GRIA1: variants seen among roughly 807,000 people sequenced by gnomAD.
GRIA1 encodes glutamate receptor 1.
GRIA1 carries 31 observed loss-of-function variants against 99.2 expected under a neutral mutation model. The observed-to-expected ratio is 0.31, with a 90% CI of 0.23 to 0.42. The LOEUF is 0.42. GRIA1 is among the 10% of genes least tolerant of loss of function. The probability of loss-of-function intolerance (pLI) is 1.00; values close to 1 mark genes in which losing one functional copy is unlikely to be tolerated. For missense variants in GRIA1, 782 were observed against 1,157.5 expected (o/e 0.68, Z 4.71); for synonymous variants, 438 against 432.4 (o/e 1.01, Z -0.16).
intron 10 of GRIA1, among the ~76,000 whole-genome samples, chr5:153,705,336 A>T (rs1278408537): frequency 6.6e-6 from 1 of 152,172 alleles, no homozygotes. Flanking sequence ...GACCCATTCC[A>T]ACCTGCAGGA....
intron 11 of GRIA1, among the ~76,000 whole-genome samples, chr5:153,738,323 G>T (rs929681516): frequency 6.6e-6 from 1 of 152,080 alleles, no homozygotes; most frequent in African/African-American, 2.4e-5. Context: ...AGAAACCTGG[G>T]AGACAAGAGT....
At chr5:153,783,477 A>C (rs1005546607) in intron 13 of GRIA1, among the ~76,000 whole-genome samples, 7 of 152,206 alleles carry the variant, frequency 4.6e-5, no homozygotes, top group African/African-American at 1.7e-4. Context: ...TGGGCTAGGC[A>C]TCACACTTGC....
chr5:153,736,540 C>T (rs1344554015), intron 11 of GRIA1, among the ~76,000 whole-genome samples: 6 of 152,194 alleles, frequency 3.9e-5, no homozygotes, highest in Admixed American at 6.5e-5. Flanking sequence ...GAGACAGGCT[C>T]AGCCTCTAGC....
intron 11 of GRIA1, among the ~76,000 whole-genome samples, chr5:153,748,368 A>T (rs1435830579): frequency 6.6e-6 from 1 of 152,156 alleles, no homozygotes; most frequent in Admixed American, 6.6e-5. Flanking sequence ...GGTGGGAAAG[A>T]CTTCGGTGTT....
chr5:153,523,708 G>A (rs761174947), intron 2 of GRIA1, among the ~76,000 whole-genome samples: 22 of 152,110 alleles, frequency 1.4e-4, no homozygotes, highest in Non-Finnish European at 2.9e-4. Flanking sequence ...AGAATGCTGC[G>A]AGGATAGAAT....
At chr5:153,588,684 G>T (rs1581275585) in intron 2 of GRIA1, among the ~76,000 whole-genome samples, 1 of 152,076 alleles carries the variant, frequency 6.6e-6, no homozygotes, top group East Asian at 1.9e-4. Context: ...ATTAAATAAA[G>T]CCTTGAGCAT....
chr5:153,651,777 C>G (rs1007564982), intron 4 of GRIA1, among the ~76,000 whole-genome samples: 6 of 152,154 alleles, frequency 3.9e-5, no homozygotes, highest in Non-Finnish European at 8.8e-5. Flanking sequence ...CCCAGCAAAA[C>G]TTGTTCCTTT....
chr5:153,535,351 T>A (rs779640166), intron 2 of GRIA1, among the ~76,000 whole-genome samples: 17 of 152,194 alleles, frequency 1.1e-4, no homozygotes, highest in Non-Finnish European at 2.5e-4. Flanking sequence ...CCATTGTTTA[T>A]CCAGTTGTTT....
chr5:153,698,638 C>A (rs1316737806), intron 9 of GRIA1, among the ~76,000 whole-genome samples: 1 of 152,104 alleles, frequency 6.6e-6, no homozygotes, highest in Admixed American at 6.5e-5. Context: ...ATTTGAAAAG[C>A]TGTATGCCAT....
chr5:153,540,403 T>C (rs1190771974), intron 2 of GRIA1, among the ~76,000 whole-genome samples: 2 of 152,188 alleles, frequency 1.3e-5, no homozygotes, highest in African/African-American at 4.8e-5. Flanking sequence ...TGTGTCTTTT[T>C]CAAACTGCCT....
intron 2 of GRIA1, among the ~76,000 whole-genome samples, chr5:153,644,047 C>G (rs1753961351): frequency 6.6e-6 from 1 of 152,084 alleles, no homozygotes; most frequent in South Asian, 2.1e-4. Flanking sequence ...TTTATTGCAG[C>G]AAGGGGAGAG....
At chr5:153,807,789 G>T (rs1216182917) in intron 15 of GRIA1, among the ~76,000 whole-genome samples, 3 of 152,182 alleles carry the variant, frequency 2.0e-5, no homozygotes, top group East Asian at 1.9e-4. Flanking sequence ...AAACAGACTG[G>T]CTCCTGAATC....
chr5:153,698,718 A>G, intron 9 of GRIA1, 149 bp from the exon 10 acceptor site: 1 of 621,348 alleles, frequency 1.6e-6, no homozygotes, highest in Non-Finnish European at 2.9e-6. Flanking sequence ...GTAATGGGGT[A>G]GGGAGTGAAG....
At position 153,764,475 on chromosome 5, in the gene GRIA1, T is replaced by G. The variant is rs1763382857; in HGVS notation, c.1865T>G (p.Phe622Cys). The change falls in exon 12 of 16, where the codon TTC becomes TGC. Residue 622 changes from phenylalanine (F) to cysteine (C), a missense_variant. Phe to Cys is a radical substitution (Grantham distance 205). Around this residue, in one of 5 missense-constraint regions of GRIA1, gnomAD observed 119 missense variants for 326.6 expected, o/e 0.36. Coordinates refer to ENST00000285900, the MANE Select transcript of GRIA1 (RefSeq NM_000827.4). ...ATCGTTGGTGGCGTCTGGTGGTTCT[T>G]CACCTTAATCATCATCTCCTCATAT... ...GRIVGGVWWF[F>C]TLIIISSYTA... 6.2e-7 allele frequency: 1 copy of G among 1,613,938 alleles called. No individual in the cohort carries two copies. The highest frequency in any genetic ancestry group is 1.3e-5 in the African/African-American group (1 of 74,918).
At chr5:153,684,371 C>T (rs1757200316) in intron 7 of GRIA1, among the ~76,000 whole-genome samples, 1 of 152,136 alleles carries the variant, frequency 6.6e-6, no homozygotes, top group Non-Finnish European at 1.5e-5. Flanking sequence ...TCTTTTAATC[C>T]TTAGAACAAC....
chr5:153,597,820 C>T (rs923112475), intron 2 of GRIA1, among the ~76,000 whole-genome samples: 1 of 147,280 alleles, frequency 6.8e-6, no homozygotes, highest in Middle Eastern at 3.2e-3. Flanking sequence ...CAAGGCTGGG[C>T]AACATGGCAA....
At chr5:153,676,058 C>T (rs569581220) in intron 6 of GRIA1, among the ~76,000 whole-genome samples, 2 of 152,146 alleles carry the variant, frequency 1.3e-5, no homozygotes, top group African/African-American at 4.8e-5. Flanking sequence ...GGGGTTTCAC[C>T]GTGTTAGCCA....
At chr5:153,505,645 G>A (rs1330395949) in intron 2 of GRIA1, among the ~76,000 whole-genome samples, 1 of 152,216 alleles carries the variant, frequency 6.6e-6, no homozygotes, top group African/African-American at 2.4e-5. Context: ...GGTTTGTTTT[G>A]CAGCAATAGC....
intron 2 of GRIA1, among the ~76,000 whole-genome samples, chr5:153,547,286 CT>C (rs1321708260): frequency 6.6e-6 from 1 of 152,110 alleles, no homozygotes; most frequent in Non-Finnish European, 1.5e-5. Flanking sequence ...TTGGACACCC[CT>C]GATCTAGCCT....
Sources: allele counts gnomAD v4.1 joint callset (sites outside exome capture counted in the v4.1 genomes callset), GRCh38; gene constraint gnomAD v4.1.1; regional missense constraint gnomAD v4.1.1; transcripts MANE v1.5; gene names NCBI Gene and HGNC (gene_info 2026-07-23, HGNC 2026-07-21).